The following CPM variants were observed in gnomAD, a reference collection of about 807,000 sequenced individuals.
CPM encodes the protein renal carboxypeptidase.
Under a neutral mutation model 46.4 loss-of-function variants are expected in CPM, and 35 were observed. The observed-to-expected ratio is 0.75, with a 90% CI of 0.58 to 1.00. The LOEUF is 1.00. CPM is among the 50% of genes least tolerant of loss of function. The probability of loss-of-function intolerance (pLI) is 0.00; values close to 1 mark genes in which losing one functional copy is unlikely to be tolerated. For missense variants in CPM, 422 were observed against 530.4 expected, an observed-to-expected ratio of 0.80 and a Z score of 2.01; for synonymous variants, 195 against 195.3, an observed-to-expected ratio of 1.00 and a Z score of 0.01.
intron 2 of CPM, among the ~76,000 whole-genome samples, chr12:68,910,174 A>G (rs1261862245): frequency 3.3e-5 from 5 of 152,182 alleles, no homozygotes; most frequent in African/African-American, 1.2e-4. Context: ...CGAAATATCT[A>G]AAAGTTATAA....
chr12:68,859,604 A>G (rs1294245487), intron 7 of CPM, among the ~76,000 whole-genome samples: 1 of 152,228 alleles, frequency 6.6e-6, no homozygotes, highest in Non-Finnish European at 1.5e-5. Flanking sequence ...CACTTAGTAT[A>G]TTCCAGGCTC....
At chr12:68,954,930 C>T (rs1888988547) in intron 1 of CPM, among the ~76,000 whole-genome samples, 1 of 152,216 alleles carries the variant, frequency 6.6e-6, no homozygotes, top group Non-Finnish European at 1.5e-5. Context: ...TACGTCTGGT[C>T]CAGCCACAGC....
At chr12:68,909,931 C>T (rs753342850) in intron 2 of CPM, among the ~76,000 whole-genome samples, 46 of 151,256 alleles carry the variant, frequency 3.0e-4, no homozygotes, top group Non-Finnish European at 6.3e-4. Flanking sequence ...CACATGTATA[C>T]CTATGTAACA....
At position 68,882,119 on chromosome 12, in the gene CPM, C is replaced by G. The variant is rs141387434; in HGVS notation, c.258+3673G>C. Among the ~76,000 whole-genome samples, 421 of 145,828 alleles carry G rather than the reference C, an allele frequency of 2.9e-3. 1 individual carries two copies. Among genetic ancestry groups the G allele is most frequent in the Non-Finnish European group, 3.8e-3 (254 of 67,216 alleles). ...GGTAAATGTTACAAGTGCAGGGGTA[C>G]AAGTGCAGATTGGTTCTATAGGTAA... On this transcript the variant is annotated intron_variant, in intron 3 of 8. Transcript: ENST00000551568.
intron 2 of CPM, among the ~76,000 whole-genome samples, chr12:68,913,621 T>G (rs1887688973): frequency 6.6e-6 from 1 of 152,148 alleles, no homozygotes; most frequent in African/African-American, 2.4e-5. Context: ...GACTCAAGGA[T>G]GGGGACTCAA....
At chr12:68,901,253 G>A (rs1887100475) in intron 2 of CPM, among the ~76,000 whole-genome samples, 2 of 152,176 alleles carry the variant, frequency 1.3e-5, no homozygotes, top group Non-Finnish European at 1.5e-5. Flanking sequence ...AGGAGGGAAA[G>A]GTTTGAAAAA....
intron 1 of CPM, among the ~76,000 whole-genome samples, chr12:68,944,490 A>C (rs1308307407): frequency 1.3e-5 from 2 of 152,150 alleles, no homozygotes; most frequent in Non-Finnish European, 2.9e-5. Context: ...TGAAGCCTTG[A>C]ACTTCTGGGC....
intron 1 of CPM, among the ~76,000 whole-genome samples, chr12:68,957,164 G>A (rs888542840): frequency 1.3e-5 from 2 of 152,148 alleles, no homozygotes; most frequent in East Asian, 3.8e-4. Flanking sequence ...AAGGTCTCAT[G>A]TCCTTGAATC....
chr12:68,867,197 A>T, intron 6 of CPM, 149 bp from the exon 7 acceptor site: 1 of 770,754 alleles, frequency 1.3e-6, no homozygotes, highest in Non-Finnish European at 2.2e-6. Flanking sequence ...AGGGCTTGAC[A>T]TTCTATTACC....
intron 2 of CPM, among the ~76,000 whole-genome samples, chr12:68,907,512 T>C (rs1007393069): frequency 5.9e-5 from 9 of 152,184 alleles, no homozygotes; most frequent in Admixed American, 4.6e-4. Context: ...ATGTGTTTGA[T>C]AGATGCATTG....
At chr12:68,945,069 T>C (rs541109908) in intron 1 of CPM, among the ~76,000 whole-genome samples, 6 of 152,164 alleles carry the variant, frequency 3.9e-5, no homozygotes, top group South Asian at 2.1e-4. Context: ...ATAAGAGCAA[T>C]TGGGGAAGTC....
intron 6 of CPM, 129 bp downstream of exon 6, chr12:68,869,196 G>A (rs934659997): frequency 1.6e-5 from 11 of 698,516 alleles, no homozygotes; most frequent in Non-Finnish European, 2.6e-5. Flanking sequence ...TATGATATTA[G>A]CTGATAAGGA....
At chr12:68,932,454 T>C (rs1244135356) in intron 2 of CPM, among the ~76,000 whole-genome samples, 1 of 152,220 alleles carries the variant, frequency 6.6e-6, no homozygotes, top group Non-Finnish European at 1.5e-5. Flanking sequence ...TGGAAAGGAC[T>C]CAGTGACACT....
chr12:68,893,903 C>A (rs2197401), intron 2 of CPM, among the ~76,000 whole-genome samples: 1 of 152,124 alleles, frequency 6.6e-6, no homozygotes. Flanking sequence ...TCTCTCTGGC[C>A]AACCTCTTTG....
chr12:68,843,696 A>G (rs1884005173), intron 5 of CPM: 1 of 180,614 alleles, frequency 5.5e-6, no homozygotes, highest in Admixed American at 6.5e-5. Context: ...TGTTGCTTCA[A>G]AACTCTCTCT....
chr12:68,886,038 G>A, intron 2 of CPM, 149 bp from the exon 3 acceptor site: 1 of 620,896 alleles, frequency 1.6e-6, no homozygotes, highest in Non-Finnish European at 2.8e-6. Flanking sequence ...ACATCTCCAT[G>A]CTTAAAACAC....
chr12:68,934,188 C>G (rs1257793977), upstream of CPM, among the ~76,000 whole-genome samples: 1 of 151,922 alleles, frequency 6.6e-6, no homozygotes, highest in African/African-American at 2.4e-5. Context: ...ATTGGGGGCC[C>G]GTGTCAAGGT....
At chr12:68,931,764 AAAGAAAGAAAG>A (rs1472564460) in intron 2 of CPM, among the ~76,000 whole-genome samples, 8 of 102,198 alleles carry the variant, frequency 7.8e-5, no homozygotes, top group African/African-American at 3.2e-4. Context: ...AAAAAAAAAA[AAAGAAAGAAAG>A]AAAGAAAGAA....
downstream of CPM, chr12:68,847,269 C>G (rs1884384174): frequency 7.2e-6 from 1 of 138,274 alleles, no homozygotes; most frequent in African/African-American, 2.9e-5. Context: ...AACTCCTGGG[C>G]TCAAGCAATC....
Sources: allele counts gnomAD v4.1 joint callset (sites outside exome capture counted in the v4.1 genomes callset), GRCh38; gene constraint gnomAD v4.1.1; transcripts MANE v1.5; gene names NCBI Gene and HGNC (gene_info 2026-07-23, HGNC 2026-07-21).